GMDS: variants seen among roughly 807,000 people sequenced by gnomAD.
GMDS encodes the protein GDP-mannose 4,6-dehydratase.
Under a neutral mutation model 49.9 loss-of-function variants are expected in GMDS, and 20 were observed. The observed-to-expected ratio is 0.40, with a 90% CI of 0.28 to 0.58. The LOEUF (loss-of-function observed/expected upper bound fraction) is 0.58. GMDS is among the 20% of genes least tolerant of loss of function. The pLI is 0.42. For missense variants in GMDS, 362 were observed against 481.4 expected, an observed-to-expected ratio of 0.75 and a Z score of 2.32; for synonymous variants, 177 against 178.6, an observed-to-expected ratio of 0.99 and a Z score of 0.07.
At chr6:1,735,123 G>C (rs80143951) in intron 8 of GMDS, among the ~76,000 whole-genome samples, 14,314 of 152,214 alleles carry the variant, frequency 0.094, 777 homozygotes, top group African/African-American at 0.15. Flanking sequence ...TTCCTGAGGG[G>C]CCACAGTGAG....
At chr6:1,648,591 A>G (rs1445524737) in intron 9 of GMDS, among the ~76,000 whole-genome samples, 4 of 152,258 alleles carry the variant, frequency 2.6e-5, no homozygotes, top group African/African-American at 9.6e-5. Context: ...ATATGCGATG[A>G]AGTCTTCCTC....
At chr6:1,958,899 C>T (rs1763785396) in intron 6 of GMDS, among the ~76,000 whole-genome samples, 1 of 152,194 alleles carries the variant, frequency 6.6e-6, no homozygotes, top group South Asian at 2.1e-4. Flanking sequence ...AAAGCTTTCT[C>T]ATGCTTCAGT....
chr6:1,963,809 G>A (rs999911874), intron 4 of GMDS, among the ~76,000 whole-genome samples: 2 of 152,182 alleles, frequency 1.3e-5, no homozygotes, highest in East Asian at 3.9e-4. Context: ...TCCCCTGGCC[G>A]TAGTTTCCTC....
intron 9 of GMDS, among the ~76,000 whole-genome samples, chr6:1,685,834 T>A (rs2569854): frequency 1.3e-5 from 2 of 152,222 alleles, no homozygotes; most frequent in Middle Eastern, 3.4e-3. Flanking sequence ...AGCATTTCTC[T>A]GCTTCACTAA....
chr6:1,738,117 CCA>C (rs1767113867), intron 8 of GMDS, among the ~76,000 whole-genome samples: 1 of 146,276 alleles, frequency 6.8e-6, no homozygotes, highest in Non-Finnish European at 1.5e-5. Context: ...TACACACACA[CCA>C]CACACCCATA....
At chr6:1,999,954 G>GTATATAATATA (rs1766585612) in intron 4 of GMDS, among the ~76,000 whole-genome samples, 3 of 12,278 alleles carry the variant, frequency 2.4e-4, no homozygotes, top group Non-Finnish European at 3.5e-4. Flanking sequence ...TATATAATAT[G>GTATATAATATA]TATATTATAT....
At chr6:2,156,267 T>C (rs186570494) in intron 1 of GMDS, among the ~76,000 whole-genome samples, 1 of 152,272 alleles carries the variant, frequency 6.6e-6, no homozygotes, top group East Asian at 1.9e-4. Context: ...AAAGGAAAAC[T>C]AGCAACAGAC....
chr6:2,053,850 T>C (rs1447487024), intron 4 of GMDS, among the ~76,000 whole-genome samples: 1 of 152,134 alleles, frequency 6.6e-6, no homozygotes. Flanking sequence ...GTTAACATTA[T>C]GTTAACTAAG....
intron 7 of GMDS, among the ~76,000 whole-genome samples, chr6:1,813,236 A>G (rs924884654): frequency 6.6e-6 from 1 of 151,240 alleles, no homozygotes; most frequent in Admixed American, 6.6e-5. Flanking sequence ...AAAAAAAAAA[A>G]AAAAAAAAAA....
chr6:1,787,278 T>C (rs1355855435), intron 7 of GMDS, among the ~76,000 whole-genome samples: 2 of 152,060 alleles, frequency 1.3e-5, no homozygotes, highest in African/African-American at 4.8e-5. Flanking sequence ...TAAAACAAAG[T>C]ATAAAGGACC....
At chr6:2,060,103 A>G (rs1049232126) in intron 4 of GMDS, among the ~76,000 whole-genome samples, 1 of 152,172 alleles carries the variant, frequency 6.6e-6, no homozygotes, top group Non-Finnish European at 1.5e-5. Context: ...TAGTCATTAA[A>G]CCACAGAAGG....
chr6:2,144,899 C>T (rs1776476517), intron 1 of GMDS, among the ~76,000 whole-genome samples: 1 of 152,164 alleles, frequency 6.6e-6, no homozygotes, highest in Admixed American at 6.5e-5. Context: ...AAAGGCAGCA[C>T]TCAAAGCACA....
intron 1 of GMDS, among the ~76,000 whole-genome samples, chr6:2,134,253 C>T (rs1359222562): frequency 3.3e-5 from 5 of 152,272 alleles, no homozygotes; most frequent in African/African-American, 1.2e-4. Context: ...AGGACTAATG[C>T]TTTTAGGTTG....
intron 1 of GMDS, among the ~76,000 whole-genome samples, chr6:2,162,479 G>A (rs183007477): frequency 1.3e-4 from 20 of 152,180 alleles, no homozygotes; most frequent in Middle Eastern, 3.4e-3. Flanking sequence ...TCTGGGGCTT[G>A]AAAGTACTTG....
At position 1,723,195 on chromosome 6, in the gene GMDS, C is replaced by A. The variant is rs115085903; in HGVS notation, c.987+3221G>T. Among the ~76,000 whole-genome samples the A allele has an allele frequency of 2.0e-3, 306 of 152,050 alleles. 2 individuals are homozygous for A. Among genetic ancestry groups the A allele is most frequent in the African/African-American group, 7.1e-3 (294 of 41,466 alleles). The stretch of plus-strand genomic sequence containing the variant: ...GTACCTGCCTTTGCTGAGCAAAGGG[C>A]CATTTTTGAGACCATTCTGAGTCTT... On this transcript the variant is annotated intron_variant, in intron 9 of 10. Transcript: ENST00000380815.
At chr6:1,785,117 A>G (rs1769264800) in intron 7 of GMDS, among the ~76,000 whole-genome samples, 1 of 152,212 alleles carries the variant, frequency 6.6e-6, no homozygotes, top group African/African-American at 2.4e-5. Flanking sequence ...CTCAAAGTCT[A>G]AGAAGTTGAC....
intron 7 of GMDS, among the ~76,000 whole-genome samples, chr6:1,916,294 G>A (rs1163761351): frequency 4.6e-5 from 7 of 152,104 alleles, no homozygotes; most frequent in South Asian, 2.1e-4. Flanking sequence ...AAAATGGGGC[G>A]TCTGCCAGCT....
intron 4 of GMDS, among the ~76,000 whole-genome samples, chr6:1,968,052 C>G (rs1764367712): frequency 6.6e-6 from 1 of 152,172 alleles, no homozygotes; most frequent in Admixed American, 6.5e-5. Flanking sequence ...GACCTCACAG[C>G]AAATAAAACA....
At chr6:1,829,678 G>T (rs114813368) in intron 7 of GMDS, among the ~76,000 whole-genome samples, 1 of 152,210 alleles carries the variant, frequency 6.6e-6, no homozygotes. Context: ...GGGCTCAAGC[G>T]ATCCACCCTC....
Sources: allele counts gnomAD v4.1 joint callset (sites outside exome capture counted in the v4.1 genomes callset), GRCh38; gene constraint gnomAD v4.1.1; transcripts MANE v1.5; gene names NCBI Gene and HGNC (gene_info 2026-07-23, HGNC 2026-07-21).